PAG1: variants seen among roughly 807,000 people sequenced by gnomAD.
The protein encoded by PAG1 is phosphoprotein membrane anchor with glycosphingolipid microdomains 1.
Under a neutral mutation model 31.7 loss-of-function variants are expected in PAG1, and 23 were observed. The ratio of observed to expected loss-of-function variants is 0.73; its 90% confidence interval spans 0.52 to 1.03. PAG1 has a LOEUF of 1.03. Ranked by LOEUF, PAG1 falls within the 50% of genes least tolerant of loss-of-function variation. The probability of loss-of-function intolerance (pLI) is 0.00; values close to 1 mark genes in which losing one functional copy is unlikely to be tolerated. For missense variants in PAG1, 473 were observed against 540.7 expected, an observed-to-expected ratio of 0.87 and a Z score of 1.24; for synonymous variants, 214 against 210.3, an observed-to-expected ratio of 1.02 and a Z score of -0.15.
chr8:80,969,800 TGGC>T lies in PAG1; in HGVS notation c.*6741_*6743del, dbSNP rs1299278821. The T allele has an allele frequency of 6.6e-6, 1 of 152,236 alleles. No individual in the cohort carries two copies. Among genetic ancestry groups the T allele is most frequent in the Non-Finnish European group, 1.5e-5 (1 of 68,036 alleles). 9.4% of individuals were successfully genotyped at this position (152,236 alleles called of 1,614,324 possible). The stretch of plus-strand genomic sequence containing the variant: ...TTTTACAAAACCAAATGAAACACCC[TGGC>T]TCCTGAAGTATGTAGAAAATGGGAA... On this transcript the variant is annotated 3_prime_UTR_variant, in exon 9 of 9. Transcript: ENST00000220597.
intron 1 of PAG1, among the ~76,000 whole-genome samples, chr8:81,102,257 A>G (rs1260088176): frequency 6.6e-6 from 1 of 152,166 alleles, no homozygotes; most frequent in African/African-American, 2.4e-5. Flanking sequence ...AGGCTACTAC[A>G]ATGCACCATG....
chr8:81,110,310 C>G (rs1809753939), intron 1 of PAG1, among the ~76,000 whole-genome samples: 1 of 152,180 alleles, frequency 6.6e-6, no homozygotes, highest in Admixed American at 6.5e-5. Flanking sequence ...ATACCCAATA[C>G]TCCAAATATT....
chr8:81,031,360 G>A (rs771471014), intron 2 of PAG1, among the ~76,000 whole-genome samples: 1 of 152,184 alleles, frequency 6.6e-6, no homozygotes, highest in Non-Finnish European at 1.5e-5. Context: ...ACAGAGCTTC[G>A]CTGGGTGCAG....
At chr8:81,092,807 C>A (rs954796630) in intron 1 of PAG1, among the ~76,000 whole-genome samples, 3 of 152,214 alleles carry the variant, frequency 2.0e-5, no homozygotes, top group African/African-American at 7.2e-5. Context: ...CCTAACTGAT[C>A]TCAAAACTAA....
rs1237253810 is a variant in PAG1 at position 80,976,642 on chromosome 8, T to C, written c.1201A>G (p.Thr401Ala). 6.2e-7 allele frequency: 1 copy of C among 1,614,154 alleles called. No homozygotes were observed. The highest frequency in any genetic ancestry group is 8.5e-7 in the Non-Finnish European group (1 of 1,180,018). Residue 401 changes from threonine to alanine, a missense_variant, in exon 9 of 9, where the codon ACC becomes GCC. Thr to Ala is a moderately conservative substitution (Grantham distance 58). Transcript: ENST00000220597. ...CCGTGGTGGCCATTGGTCCCCAGGG[T>C]GGCCTTTTCTTCCTCTCTGTTGAGA... ...QTLNREEEKA[T>A]LGTNGHHGLV...
At chr8:81,105,688 T>C (rs1809682770) in intron 1 of PAG1, among the ~76,000 whole-genome samples, 1 of 152,242 alleles carries the variant, frequency 6.6e-6, no homozygotes, top group African/African-American at 2.4e-5. Context: ...ATGGGCATGA[T>C]GAAGGAATGG....
At chr8:80,995,119 C>A (rs1370315979) in intron 3 of PAG1, among the ~76,000 whole-genome samples, 2 of 152,122 alleles carry the variant, frequency 1.3e-5, no homozygotes, top group Non-Finnish European at 2.9e-5. Context: ...AACACTGTCA[C>A]ATTTATTTGA....
intron 3 of PAG1, among the ~76,000 whole-genome samples, chr8:81,004,043 C>T (rs1002089439): frequency 6.6e-6 from 1 of 152,082 alleles, no homozygotes; most frequent in African/African-American, 2.4e-5. Flanking sequence ...TTACAAGTCT[C>T]GTTATTTTTT....
chr8:80,980,719 A>G (rs1807282727), intron 7 of PAG1, among the ~76,000 whole-genome samples: 1 of 152,158 alleles, frequency 6.6e-6, no homozygotes, highest in African/African-American at 2.4e-5. Context: ...CTAATTTTGT[A>G]TTTGCATCTG....
chr8:80,993,178 A>G lies in PAG1; in HGVS notation c.50T>C (p.Leu17Pro). Residue 17 changes from leucine to proline, a missense_variant, in exon 4 of 9, where the codon CTG becomes CCG. By Grantham distance (98) the Leu-to-Pro change is moderately conservative (BLOSUM62 -3). Transcript: ENST00000220597. Reference protein sequence around the residue: ...LLGSGQMQITLWGSLAAVAIF... With the variant: ...LLGSGQMQITPWGSLAAVAIF... ...GGCGACAGCAGCCAGACTTCCCCAC[A>G]GGGTGATCTGCATCTGTCCGCTGCC... 6.2e-7 allele frequency: 1 copy of G among 1,613,702 alleles called. No individual in the cohort carries two copies. The highest frequency in any genetic ancestry group is 8.5e-7 in the Non-Finnish European group (1 of 1,179,852).
intron 2 of PAG1, among the ~76,000 whole-genome samples, chr8:81,061,060 A>G (rs1415278639): frequency 2.0e-5 from 3 of 152,256 alleles, no homozygotes; most frequent in Non-Finnish European, 4.4e-5. Context: ...ATTTATTATC[A>G]TGTAAAATAC....
chr8:81,006,628 G>C (rs1807881950), intron 3 of PAG1, among the ~76,000 whole-genome samples: 1 of 152,118 alleles, frequency 6.6e-6, no homozygotes, highest in Non-Finnish European at 1.5e-5. Flanking sequence ...ATGCAATTCT[G>C]AACATCTTTA....
At chr8:81,015,938 C>T (rs1395301542) in intron 3 of PAG1, among the ~76,000 whole-genome samples, 1 of 152,196 alleles carries the variant, frequency 6.6e-6, no homozygotes, top group Non-Finnish European at 1.5e-5. Flanking sequence ...ATGTTGAACC[C>T]AGCCCACATG....
intron 2 of PAG1, among the ~76,000 whole-genome samples, chr8:81,062,584 T>C (rs1448085717): frequency 1.3e-5 from 2 of 152,224 alleles, no homozygotes; most frequent in East Asian, 1.9e-4. Context: ...TCTTCCCTTA[T>C]AAGAAACACT....
At chr8:81,012,912 A>T (rs976364967) in intron 3 of PAG1, among the ~76,000 whole-genome samples, 3 of 152,180 alleles carry the variant, frequency 2.0e-5, no homozygotes, top group Non-Finnish European at 2.9e-5. Flanking sequence ...GAATTTAAAA[A>T]ATTTTTTTTC....
At chr8:81,010,924 T>C (rs1028598633) in intron 3 of PAG1, among the ~76,000 whole-genome samples, 4 of 152,166 alleles carry the variant, frequency 2.6e-5, no homozygotes, top group Non-Finnish European at 4.4e-5. Context: ...GGAATGAACA[T>C]CCTTCAGGTC....
chr8:81,001,347 G>C (rs1807781538), intron 3 of PAG1, among the ~76,000 whole-genome samples: 1 of 152,248 alleles, frequency 6.6e-6, no homozygotes, highest in African/African-American at 2.4e-5. Context: ...AGGAAGAAAA[G>C]GAGGCAAGAG....
chr8:80,993,219 G>C lies in PAG1; in HGVS notation c.9C>G (p.Pro3=). 6.2e-7 allele frequency: 1 copy of C among 1,607,732 alleles called. No homozygotes were observed. The highest frequency in any genetic ancestry group is 8.5e-7 in the Non-Finnish European group (1 of 1,177,320). The change falls in exon 4 of 9, where the codon CCC becomes CCG. Residue 3 remains proline (P), a synonymous_variant. Transcript: ENST00000220597. ...GTCCGCTGCCCAGCAGGCTCCCCGC[G>C]GGCCCCATGGCAGGAGCAGGCACTG... MG[P]AGSLLGSGQM... is the part of the protein sequence containing the mutation.
chr8:80,998,385 C>T (rs1257885164), intron 3 of PAG1, among the ~76,000 whole-genome samples: 1 of 152,100 alleles, frequency 6.6e-6, no homozygotes. Flanking sequence ...GCCTCGGCCT[C>T]CCAAAGTGCT....
Sources: allele counts gnomAD v4.1 joint callset (sites outside exome capture counted in the v4.1 genomes callset), GRCh38; gene constraint gnomAD v4.1.1; transcripts MANE v1.5; gene names NCBI Gene and HGNC (gene_info 2026-07-23, HGNC 2026-07-21).